Variants in USP40 observed in about 807,000 individuals in gnomAD.
USP40 encodes ubiquitin specific peptidase 40, also known as ubiquitin carboxyl-terminal hydrolase 40.
Under a neutral mutation model 166.2 loss-of-function variants are expected in USP40, and 143 were observed. That is an observed-to-expected ratio of 0.86 (90% confidence interval 0.75 to 0.99). The LOEUF (loss-of-function observed/expected upper bound fraction) is 0.99. Ranked by LOEUF, USP40 falls within the 50% of genes least tolerant of loss-of-function variation. The pLI is 0.00. For missense variants in USP40, 1,444 were observed against 1,479.7 expected, an observed-to-expected ratio of 0.98 and a Z score of 0.40; for synonymous variants, 498 against 524.0, an observed-to-expected ratio of 0.95 and a Z score of 0.68.
At chr2:233,494,076 T>C (rs758074365) in intron 24 of USP40, among the ~76,000 whole-genome samples, 6 of 152,236 alleles carry the variant, frequency 3.9e-5, no homozygotes, top group Admixed American at 6.5e-5. Flanking sequence ...TATTAAGAGA[T>C]AAAAGGTGCT....
chr2:233,561,195 C>A (rs929558516), intron 3 of USP40: 43 of 1,576,310 alleles, frequency 2.7e-5, no homozygotes, highest in Non-Finnish European at 3.2e-5. Flanking sequence ...TCAAACAAAC[C>A]AAGCTCTTCT....
At chr2:233,522,264 G>T (rs2067710379) in intron 16 of USP40, among the ~76,000 whole-genome samples, 1 of 152,200 alleles carries the variant, frequency 6.6e-6, no homozygotes, top group Non-Finnish European at 1.5e-5. Context: ...ACTGCATGCT[G>T]AGAAGACGGA....
chr2:233,562,759 CT>C lies in USP40; in HGVS notation c.243del (p.Asp82IlefsTer26). On this transcript the variant is annotated frameshift_variant, in exon 3 of 32. Transcript: ENST00000678225. LOFTEE classifies it high-confidence loss of function. ...SLGPEELGLFEDKDKPDAKVR... is the reference protein window; with the variant it reads ...SLGPEELGLFXDKDKPDAKVR... ...ACCTTTGCATCGGGTTTATCCTTAT[CT>C]TCAAACAAACCAAGCTCTTCTGGGC... 2.6e-6 allele frequency: 4 copies of C among 1,537,376 alleles called. No individual in the cohort carries two copies. The highest frequency in any genetic ancestry group is 1.8e-6 in the Non-Finnish European group (2 of 1,139,474).
chr2:233,552,174 A>G (rs1048394451), intron 6 of USP40, among the ~76,000 whole-genome samples: 9 of 151,546 alleles, frequency 5.9e-5, no homozygotes, highest in African/African-American at 2.2e-4. Context: ...CTAAAAATAT[A>G]TTTTAAAAAA....
chr2:233,554,624 T>G, intron 5 of USP40, 98 bp from the exon 6 acceptor site: 1 of 916,198 alleles, frequency 1.1e-6, no homozygotes, highest in South Asian at 3.1e-5. Flanking sequence ...GATATATGTT[T>G]TCTAAAACAT....
chr2:233,485,264 G>C (rs1490399833), intron 30 of USP40, among the ~76,000 whole-genome samples: 1 of 152,176 alleles, frequency 6.6e-6, no homozygotes, highest in Admixed American at 6.5e-5. Flanking sequence ...GGCTGAACTT[G>C]CTAGTATTTT....
chr2:233,533,734 T>C lies in USP40; in HGVS notation c.1216A>G (p.Ser406Gly). 6.2e-7 allele frequency: 1 copy of C among 1,612,112 alleles called. No homozygotes were observed. Among genetic ancestry groups the C allele is most frequent in the East Asian group, 2.2e-5 (1 of 44,840 alleles). Residue 406 changes from serine to glycine, a missense_variant, in exon 11 of 32, where the codon AGT becomes GGT. Transcript: ENST00000678225. The stretch of plus-strand genomic sequence containing the variant: ...CTATTCTTCAAGAGACGAACTGTAC[T>C]TTCATCTGAACTGAGTAGAAATATC... The part of the protein sequence containing the change: ...SQIFLLSSDE[S>G]TVRLLKNSSL...
In USP40 at chr2:233,540,152, C is replaced by CA. The variant is rs377598747; in HGVS notation, c.1170+509dup. Among the ~76,000 whole-genome samples the CA allele has an allele frequency of 9.7e-3, 1,421 of 145,796 alleles. 25 individuals are homozygous for CA. Among genetic ancestry groups the CA allele is most frequent in the African/African-American group, 0.033 (1,311 of 39,668 alleles). On this transcript the variant is annotated intron_variant, in intron 10 of 31. Coordinates refer to ENST00000678225, the MANE Select transcript of USP40 (RefSeq NM_001365479.2). The stretch of plus-strand genomic sequence containing the variant: ...AAAAAAAAAAAAACAAAAAACAAAC[C>CA]AAAAAAAAACTTGATAACCCCCAAG...
At chr2:233,532,762 C>CA (rs2068641703) in intron 11 of USP40, among the ~76,000 whole-genome samples, 1 of 151,920 alleles carries the variant, frequency 6.6e-6, no homozygotes, top group African/African-American at 2.4e-5. Context: ...GGCAATACAG[C>CA]GAGACCCTGT....
chr2:233,481,196 C>A lies in USP40; in HGVS notation c.3599+7G>T, dbSNP rs776148950. On this transcript the variant is annotated splice_region_variant and intron_variant, in intron 31 of 31. Coordinates refer to ENST00000678225, the MANE Select transcript of USP40 (RefSeq NM_001365479.2). ...AGCTGCACATCTGTGCAGACCCCAGCAATTACCTTTTCCTTCTCCCCAGGG... is the reference window on the plus strand; with the variant it reads ...AGCTGCACATCTGTGCAGACCCCAGAAATTACCTTTTCCTTCTCCCCAGGG... 6.3e-7 allele frequency: 1 copy of A among 1,597,496 alleles called. No individual in the cohort carries two copies. The highest frequency in any genetic ancestry group is 1.1e-5 in the South Asian group (1 of 87,830).
chr2:233,523,300 T>G lies in USP40; in HGVS notation c.2071A>C (p.Asn691His). Residue 691 changes from asparagine to histidine, a missense_variant, in exon 16 of 32, where the codon AAC (asparagine) becomes CAC (histidine). Transcript: ENST00000678225. ...LAIPAGVIFI[N>H]SAGCPGGEGW... is the part of the protein sequence containing the mutation. ...TCCCCACCTGGACATCCAGCACTGT[T>G]GATGAAGATGACACCTGCTGGGATT... 1.2e-6 allele frequency: 2 copies of G among 1,614,022 alleles called. No individual in the cohort carries two copies. The highest frequency in any genetic ancestry group is 2.2e-5 in the South Asian group (2 of 91,084).
At chr2:233,501,862 C>T (rs74418877) in intron 21 of USP40, among the ~76,000 whole-genome samples, 50 of 152,176 alleles carry the variant, frequency 3.3e-4, no homozygotes, top group Non-Finnish European at 5.7e-4. Context: ...TGTTCTGGGC[C>T]GAGGTCCAAT....
chr2:233,529,391 C>A, intron 12 of USP40, 40 bp downstream of exon 12: 1 of 1,499,626 alleles, frequency 6.7e-7, no homozygotes, highest in South Asian at 1.2e-5. Context: ...TCTTTATTCT[C>A]CGGAATACTA....
intron 30 of USP40, among the ~76,000 whole-genome samples, chr2:233,484,091 C>T (rs1559211914): frequency 6.6e-6 from 1 of 152,126 alleles, no homozygotes; most frequent in African/African-American, 2.4e-5. Context: ...TGTCCTTTTT[C>T]TTCTCGCAGT....
In USP40 at chr2:233,532,708, G is replaced by A. The variant is rs761436582; in HGVS notation, c.1471+771C>T. 2.8e-4 allele frequency among the ~76,000 whole-genome samples: 43 copies of A among 152,296 alleles called. 1 individual carries two copies. The Middle Eastern group carries it at 0.01, about 36-fold the overall frequency. The stretch of plus-strand genomic sequence containing the variant: ...GATGACACCAGCATTTTGGGAGGCT[G>A]AGGTGTGAGCATCATCTGAGGCCAG... On this transcript the variant is annotated intron_variant, in intron 11 of 31. Transcript: ENST00000678225.
Position 233,529,520 on chromosome 2 carries a change from C to T in USP40, c.1472-8G>A. On this transcript the variant is annotated splice_region_variant and splice_polypyrimidine_tract_variant and intron_variant, in intron 11 of 31. Coordinates refer to ENST00000678225, the MANE Select transcript of USP40 (RefSeq NM_001365479.2). ...ATCTTGGATTAGCTCGAGCTGTGAA[C>T]AAAATTTTTCATTAACTTGTGTTGG... 1 of 1,565,774 alleles carries T rather than the reference C, an allele frequency of 6.4e-7. No homozygotes were observed. The highest frequency in any genetic ancestry group is 8.7e-7 in the Non-Finnish European group (1 of 1,154,002).
At chr2:233,533,458 G>A in intron 11 of USP40, 21 bp downstream of exon 11, 1 of 1,595,958 alleles carries the variant, frequency 6.3e-7, no homozygotes, top group South Asian at 1.1e-5. Context: ...GAAACAAATA[G>A]GAACATTTTT....
chr2:233,527,892 C>A (rs541632124), intron 12 of USP40, among the ~76,000 whole-genome samples: 1 of 152,006 alleles, frequency 6.6e-6, no homozygotes, highest in South Asian at 2.1e-4. Flanking sequence ...ATGCTAGAGA[C>A]CTGCTTACAT....
intron 7 of USP40, among the ~76,000 whole-genome samples, chr2:233,550,243 C>T (rs776276057): frequency 7.9e-5 from 12 of 151,998 alleles, no homozygotes; most frequent in Admixed American, 2.0e-4. Flanking sequence ...CACAAAGATG[C>T]CAAGTGACTT....
Sources: allele counts gnomAD v4.1 joint callset (sites outside exome capture counted in the v4.1 genomes callset), GRCh38; gene constraint gnomAD v4.1.1; transcripts MANE v1.5; gene names NCBI Gene and HGNC (gene_info 2026-07-23, HGNC 2026-07-21).